DTNA: variants seen among roughly 807,000 people sequenced by gnomAD.
DTNA encodes dystrobrevin alpha.
Under a neutral mutation model 100.7 loss-of-function variants are expected in DTNA, and 43 were observed. The observed-to-expected ratio is 0.43, with a 90% CI of 0.33 to 0.55. The LOEUF is 0.55. Among genes scored for constraint, DTNA ranks in the 20% least tolerant of loss-of-function variants. The pLI is 0.04. For synonymous variants in DTNA, 349 were observed against 347.9 expected (o/e 1.00, Z -0.04); for missense variants, 798 against 953.9 (o/e 0.84, Z 2.15).
chr18:34,543,765 T>C (rs551660548), intron 1 of DTNA, among the ~76,000 whole-genome samples: 30 of 152,220 alleles, frequency 2.0e-4, no homozygotes, highest in Non-Finnish European at 4.3e-4. Flanking sequence ...GGAAACATCA[T>C]ACAAATACTG....
chr18:34,795,404 A>C (rs541568228), intron 4 of DTNA, among the ~76,000 whole-genome samples: 1 of 152,368 alleles, frequency 6.6e-6, no homozygotes, highest in South Asian at 2.1e-4. Context: ...TTTTACAACT[A>C]GCATTCCAGG....
chr18:34,766,718 A>G (rs2093494293), intron 3 of DTNA, among the ~76,000 whole-genome samples: 1 of 152,232 alleles, frequency 6.6e-6, no homozygotes, highest in Non-Finnish European at 1.5e-5. Flanking sequence ...TTTATAAAAT[A>G]TCAAACATTA....
At chr18:34,692,044 T>C (rs2079847913) in intron 1 of DTNA, among the ~76,000 whole-genome samples, 1 of 152,236 alleles carries the variant, frequency 6.6e-6, no homozygotes, top group African/African-American at 2.4e-5. Context: ...TAGCTTCTCA[T>C]GTTATTTCTC....
At chr18:34,815,217 C>T (rs965427836) in intron 6 of DTNA, among the ~76,000 whole-genome samples, 5 of 151,586 alleles carry the variant, frequency 3.3e-5, no homozygotes, top group African/African-American at 1.2e-4. Context: ...TTATTTATAC[C>T]ATTACAGTAC....
At chr18:34,639,941 T>C (rs2059088614) in intron 1 of DTNA, among the ~76,000 whole-genome samples, 1 of 152,184 alleles carries the variant, frequency 6.6e-6, no homozygotes. Context: ...TTCCCTGAGA[T>C]TTACTGAGAT....
At chr18:34,604,428 A>G (rs1395509716) in intron 1 of DTNA, among the ~76,000 whole-genome samples, 5 of 152,270 alleles carry the variant, frequency 3.3e-5, no homozygotes, top group African/African-American at 1.2e-4. Flanking sequence ...TCATAGGGCC[A>G]TAACAAGATT....
chr18:34,552,858 A>G (rs1432553105), intron 1 of DTNA, among the ~76,000 whole-genome samples: 1 of 143,676 alleles, frequency 7.0e-6, no homozygotes, highest in Non-Finnish European at 1.5e-5. Context: ...GTGTCTTTAT[A>G]GCAGCATGAT....
At chr18:34,712,889 G>A (rs1219392197) in intron 1 of DTNA, among the ~76,000 whole-genome samples, 1 of 152,034 alleles carries the variant, frequency 6.6e-6, no homozygotes, top group Non-Finnish European at 1.5e-5. Context: ...ACCATATTGA[G>A]TAAAATAGTA....
chr18:34,840,022 C>G (rs958113491), intron 13 of DTNA, among the ~76,000 whole-genome samples: 2 of 152,094 alleles, frequency 1.3e-5, no homozygotes, highest in African/African-American at 4.8e-5. Flanking sequence ...AATTTTCTTC[C>G]TATTACTGCT....
At chr18:34,578,194 T>A (rs924827737) in intron 1 of DTNA, among the ~76,000 whole-genome samples, 2 of 152,058 alleles carry the variant, frequency 1.3e-5, no homozygotes, top group Admixed American at 1.3e-4. Context: ...GTATCGCATT[T>A]TGGTTTTGAT....
chr18:34,819,612 C>G (rs1256390093), intron 8 of DTNA, among the ~76,000 whole-genome samples: 2 of 152,144 alleles, frequency 1.3e-5, no homozygotes, highest in South Asian at 2.1e-4. Flanking sequence ...AATGCTAAAT[C>G]TACATAAGGA....
At chr18:34,553,701 G>T (rs879080102) in intron 1 of DTNA, among the ~76,000 whole-genome samples, 6 of 150,558 alleles carry the variant, frequency 4.0e-5, no homozygotes, top group South Asian at 2.1e-4. Flanking sequence ...GATATGCGGC[G>T]TTATTTCTGA....
rs567249141 is a variant in DTNA, at chr18:34,635,910, T to TA, written c.-1-120055dup. On this transcript the variant is annotated intron_variant, in intron 1 of 19. Transcript: ENST00000283365. ...GACAGCTTAATTCTTTTTTTTCAAT[T>TA]AAAAAAAAAAACCTGTGAAATATCC... Among the ~76,000 whole-genome samples, 1,342 of 146,874 alleles carry TA rather than the reference T, an allele frequency of 9.1e-3. 13 individuals carry two copies. The highest frequency in any genetic ancestry group is 0.031 in the African/African-American group (1,243 of 40,328).
At chr18:34,849,879 C>G (rs1288631244) in intron 14 of DTNA, among the ~76,000 whole-genome samples, 3 of 152,242 alleles carry the variant, frequency 2.0e-5, no homozygotes, top group Non-Finnish European at 2.9e-5. Flanking sequence ...TGAGTTACTT[C>G]CCTGCCCCTT....
intron 1 of DTNA, among the ~76,000 whole-genome samples, chr18:34,641,650 C>A (rs568273342): frequency 2.6e-5 from 4 of 152,328 alleles, no homozygotes; most frequent in African/African-American, 9.6e-5. Context: ...TTCAACCTAT[C>A]CCTCCTATTG....
Position 34,794,196 on chromosome 18 carries a change from A to G in DTNA, c.308A>G (p.His103Arg). 6.2e-7 allele frequency: 1 copy of G among 1,614,124 alleles called. No homozygotes were observed. Among genetic ancestry groups the G allele is most frequent in the Non-Finnish European group, 8.5e-7 (1 of 1,180,012 alleles). ...NKRMPTTHQI[H>R]VEQSISLLLN... Reference sequence around the variant, plus strand: ...CGGATGCCAACCACTCACCAAATCCATGTGGAGCAGTCCATCAGCCTCCTC... The same window carrying G: ...CGGATGCCAACCACTCACCAAATCCGTGTGGAGCAGTCCATCAGCCTCCTC... Residue 103 changes from histidine (H) to arginine (R), a missense_variant, in exon 4 of 23, where the codon CAT (histidine) becomes CGT (arginine). Physicochemically the swap from His to Arg is conservative, Grantham distance 29 (BLOSUM62 0). Around this residue, in one of 6 missense-constraint regions of DTNA, gnomAD observed 197 missense variants for 215.4 expected, o/e 0.91. Transcript: ENST00000444659.
At chr18:34,634,488 C>T (rs547732699) in intron 1 of DTNA, among the ~76,000 whole-genome samples, 4 of 152,220 alleles carry the variant, frequency 2.6e-5, no homozygotes, top group African/African-American at 4.8e-5. Flanking sequence ...ATCTCTTTAA[C>T]GTCTGGCTTA....
At chr18:34,630,643 A>G (rs187285504) in intron 1 of DTNA, among the ~76,000 whole-genome samples, 6 of 152,246 alleles carry the variant, frequency 3.9e-5, no homozygotes, top group Admixed American at 3.9e-4. Context: ...CATGAGTGAG[A>G]TAAAATCGGG....
At chr18:34,720,246 G>A (rs2084998532) in intron 1 of DTNA, among the ~76,000 whole-genome samples, 1 of 152,126 alleles carries the variant, frequency 6.6e-6, no homozygotes, top group Admixed American at 6.6e-5. Context: ...TCCCTATAAT[G>A]TGGGCTGGTA....
Sources: allele counts gnomAD v4.1 joint callset (sites outside exome capture counted in the v4.1 genomes callset), GRCh38; gene constraint gnomAD v4.1.1; regional missense constraint gnomAD v4.1.1; transcripts MANE v1.5; gene names NCBI Gene and HGNC (gene_info 2026-07-23, HGNC 2026-07-21).